AUTS2: variants seen among roughly 807,000 people sequenced by gnomAD.
AUTS2 encodes autism susceptibility gene 2 protein.
AUTS2 carries 17 observed loss-of-function variants against 112.4 expected under a neutral mutation model. The ratio of observed to expected loss-of-function variants is 0.15; its 90% CI spans 0.10 to 0.23. The LOEUF is 0.23. AUTS2 is among the 10% of genes least tolerant of loss of function. The pLI is 1.00. For missense variants in AUTS2, 1,510 were observed against 1,701.6 expected, an observed-to-expected ratio of 0.89 and a Z score of 1.98; for synonymous variants, 751 against 702.7, an observed-to-expected ratio of 1.07 and a Z score of -1.09.
At chr7:69,964,680 G>A (rs762366300) in intron 2 of AUTS2, among the ~76,000 whole-genome samples, 4 of 151,496 alleles carry the variant, frequency 2.6e-5, no homozygotes, top group South Asian at 2.1e-4. Flanking sequence ...TTCCCTTCTC[G>A]GTGAGCTTTT....
intron 2 of AUTS2, among the ~76,000 whole-genome samples, chr7:70,063,257 TTTTG>T (rs1188130984): frequency 6.6e-6 from 1 of 151,348 alleles, no homozygotes; most frequent in Non-Finnish European, 1.5e-5. Context: ...GGGTTTTGGG[TTTTG>T]TTTTTTTTTT....
chr7:70,351,012 G>T, intron 4 of AUTS2, among the ~76,000 whole-genome samples: 1 of 147,762 alleles, frequency 6.8e-6, no homozygotes, highest in Non-Finnish European at 1.5e-5. Context: ...TTATCATCGT[G>T]TTCTCCATGT....
At chr7:69,982,475 A>G (rs1798336606) in intron 2 of AUTS2, among the ~76,000 whole-genome samples, 1 of 151,816 alleles carries the variant, frequency 6.6e-6, no homozygotes, top group African/African-American at 2.4e-5. Flanking sequence ...GGGGGGAAAA[A>G]AAACGTGGAG....
At chr7:70,782,075 C>T (rs955634599) in intron 15 of AUTS2, 1 of 305,844 alleles carries the variant, frequency 3.3e-6, no homozygotes. Context: ...TGAAGGCTTG[C>T]AAGGGCAGAT....
At chr7:70,236,264 T>C (rs1043950514) in intron 4 of AUTS2, among the ~76,000 whole-genome samples, 2 of 152,164 alleles carry the variant, frequency 1.3e-5, no homozygotes, top group African/African-American at 4.8e-5. Flanking sequence ...TAATTTATAG[T>C]TTTGTTGTTT....
chr7:70,205,673 CTA>C (rs1810537714), intron 4 of AUTS2, among the ~76,000 whole-genome samples: 1 of 152,134 alleles, frequency 6.6e-6, no homozygotes, highest in African/African-American at 2.4e-5. Flanking sequence ...TAAGTATACT[CTA>C]TGAAGTTTGC....
chr7:70,011,060 T>C (rs947895756), intron 2 of AUTS2, among the ~76,000 whole-genome samples: 6 of 152,174 alleles, frequency 3.9e-5, no homozygotes, highest in Non-Finnish European at 8.8e-5. Flanking sequence ...ACTTTTAAAA[T>C]AGGAGTTAAG....
intron 4 of AUTS2, among the ~76,000 whole-genome samples, chr7:70,357,529 G>C (rs756711107): frequency 6.6e-6 from 1 of 152,162 alleles, no homozygotes; most frequent in African/African-American, 2.4e-5. Context: ...TCTCCCATCT[G>C]TCTGGCAACT....
At chr7:70,647,945 G>A (rs1806262884) in intron 5 of AUTS2, among the ~76,000 whole-genome samples, 2 of 152,302 alleles carry the variant, frequency 1.3e-5, no homozygotes, top group South Asian at 4.1e-4. Context: ...CCTACCAAGA[G>A]TATCCATTCA....
chr7:70,621,471 C>A (rs183911879), intron 5 of AUTS2, among the ~76,000 whole-genome samples: 14 of 152,228 alleles, frequency 9.2e-5, no homozygotes, highest in Non-Finnish European at 1.9e-4. Context: ...CAGCAACTTT[C>A]GCCTCATGTG....
intron 5 of AUTS2, among the ~76,000 whole-genome samples, chr7:70,576,993 T>TA (rs1427839766): frequency 1.3e-5 from 2 of 152,180 alleles, no homozygotes; most frequent in Admixed American, 1.3e-4. Context: ...TTAGCCTTTC[T>TA]GGTATTCCAG....
chr7:70,090,957 G>C (rs975054785), intron 2 of AUTS2, among the ~76,000 whole-genome samples: 7 of 152,208 alleles, frequency 4.6e-5, no homozygotes, highest in African/African-American at 7.2e-5. Context: ...GGGGATTACA[G>C]GCATGAACTG....
chr7:70,134,660 C>A (rs561989842), intron 4 of AUTS2, 89 bp downstream of exon 4: 2 of 1,208,544 alleles, frequency 1.7e-6, no homozygotes, highest in East Asian at 2.3e-5. Flanking sequence ...GAAAAAAAAT[C>A]TGAGAATTTC....
chr7:70,366,233 G>A (rs1472887378), intron 4 of AUTS2, among the ~76,000 whole-genome samples: 1 of 152,112 alleles, frequency 6.6e-6, no homozygotes, highest in Non-Finnish European at 1.5e-5. Flanking sequence ...CCTTCTCTTA[G>A]AGACAGATCC....
intron 1 of AUTS2, among the ~76,000 whole-genome samples, chr7:69,651,590 A>C (rs908427342): frequency 6.6e-5 from 10 of 152,198 alleles, no homozygotes; most frequent in African/African-American, 2.4e-4. Flanking sequence ...GTAGTTATGA[A>C]TTTGGGTGAA....
At chr7:70,686,868 T>G (rs1808499443) in intron 5 of AUTS2, among the ~76,000 whole-genome samples, 1 of 152,172 alleles carries the variant, frequency 6.6e-6, no homozygotes, top group Admixed American at 6.5e-5. Context: ...ATTTATTTGT[T>G]TTTAAATCCA....
rs111589663 is a variant in AUTS2, at chr7:70,379,697, G to T, written c.661-56055G>T. 4.9e-3 allele frequency among the ~76,000 whole-genome samples: 739 copies of T among 152,146 alleles called. 8 individuals are homozygous for T. The highest frequency in any genetic ancestry group is 0.017 in the African/African-American group (698 of 41,498). On this transcript the variant is annotated intron_variant, in intron 4 of 18. Coordinates refer to ENST00000342771, the MANE Select transcript of AUTS2 (RefSeq NM_015570.4). ...CTGTCAACAGAAATATTCAAATACA[G>T]GCTAGAAAATCCTCTCAACAAGGAA...
intron 4 of AUTS2, among the ~76,000 whole-genome samples, chr7:70,220,533 C>A (rs1302601969): frequency 6.6e-6 from 1 of 152,056 alleles, no homozygotes; most frequent in Non-Finnish European, 1.5e-5. Context: ...AAATGGTGTC[C>A]CTCTGTGACA....
intron 1 of AUTS2, among the ~76,000 whole-genome samples, chr7:69,767,515 G>T (rs1407837146): frequency 6.6e-6 from 1 of 152,162 alleles, no homozygotes; most frequent in African/African-American, 2.4e-5. Context: ...GTGAACTTTT[G>T]CCGTAGTTGG....
Sources: gnomAD v4.1 joint callset for allele counts (sites outside exome capture counted in the v4.1 genomes callset) on GRCh38, gnomAD v4.1.1 for gene constraint, MANE v1.5 for transcripts, NCBI Gene and HGNC (gene_info 2026-07-23, HGNC 2026-07-21) for gene names.